ADAMTS16: variants seen among roughly 807,000 people sequenced by gnomAD.
The protein encoded by ADAMTS16 is A disintegrin and metalloproteinase with thrombospondin motifs 16.
ADAMTS16 carries 94 observed loss-of-function variants against 145.8 expected under a neutral mutation model. That is an observed-to-expected ratio of 0.64 (90% CI 0.55 to 0.77). ADAMTS16 has a LOEUF of 0.77. ADAMTS16 is among the 30% of genes least tolerant of loss of function. The pLI is 0.00. For synonymous variants in ADAMTS16, 659 were observed against 604.3 expected, an observed-to-expected ratio of 1.09 and a Z score of -1.33; for missense variants, 1,585 against 1,591.5, an observed-to-expected ratio of 1.00 and a Z score of 0.07.
chr5:5,167,964 G>A (rs953180816), intron 3 of ADAMTS16, among the ~76,000 whole-genome samples: 5 of 152,184 alleles, frequency 3.3e-5, no homozygotes, highest in Admixed American at 2.0e-4. Flanking sequence ...AAATTTAAAT[G>A]TGCATAGCCA....
In ADAMTS16 at chr5:5,303,755, G is replaced by T. The variant is rs555765176; in HGVS notation, c.3175G>T (p.Ala1059Ser). 6.2e-7 allele frequency: 1 copy of T among 1,612,756 alleles called. No homozygotes were observed. The highest frequency in any genetic ancestry group is 8.5e-7 in the Non-Finnish European group (1 of 1,179,884). The change falls in exon 20 of 23, where the codon GCC (alanine) becomes TCC (serine). Residue 1059 changes from alanine (A) to serine (S), a missense_variant. By Grantham distance (99) the Ala-to-Ser change is moderately conservative. This residue lies in a region of ADAMTS16 where 834 missense variants were observed against 811.7 expected (regional missense o/e 1.03). Coordinates refer to ENST00000274181, the MANE Select transcript of ADAMTS16 (RefSeq NM_139056.4). Reference protein sequence around the residue: ...KPKKLQWLVSAWSQCSVTCER... With the variant: ...KPKKLQWLVSSWSQCSVTCER... ...CAAGAAGCTGCAGTGGCTGGTGTCCGCCTGGTCCCAGGTAGGTGCACTGGT... is the reference window on the plus strand; with the variant it reads ...CAAGAAGCTGCAGTGGCTGGTGTCCTCCTGGTCCCAGGTAGGTGCACTGGT...
Position 5,242,777 on chromosome 5 carries a change from T to C in ADAMTS16, c.2662+586T>C, listed in dbSNP as rs181128936. ...ACTGTAAACAATGGAAGCTCACATT[T>C]ATATCGGTAAAGCTACTTCCACTTA... is the stretch of plus-strand genomic sequence containing the variant. On this transcript the variant is annotated intron_variant, in intron 17 of 22. Transcript: ENST00000274181. Among the ~76,000 whole-genome samples, 47 of 152,348 alleles carry C rather than the reference T, an allele frequency of 3.1e-4. No homozygotes were observed. In the East Asian group the frequency reaches 6.2e-3, roughly 20 times the overall value.
chr5:5,275,890 G>A (rs1019884659), intron 18 of ADAMTS16, among the ~76,000 whole-genome samples: 1 of 147,080 alleles, frequency 6.8e-6, no homozygotes, highest in Non-Finnish European at 1.5e-5. Context: ...AGACGGCGTC[G>A]TACTCTGTCA....
intron 9 of ADAMTS16, among the ~76,000 whole-genome samples, chr5:5,204,721 T>C (rs1736046733): frequency 6.6e-6 from 1 of 152,232 alleles, no homozygotes; most frequent in African/African-American, 2.4e-5. Flanking sequence ...TTTTGGCGAT[T>C]ACAAGGAACA....
intron 10 of ADAMTS16, among the ~76,000 whole-genome samples, chr5:5,220,806 T>C (rs1736582906): frequency 6.6e-6 from 1 of 152,074 alleles, no homozygotes; most frequent in South Asian, 2.1e-4. Flanking sequence ...AAATTCACCC[T>C]GGAGCTGCTT....
rs113110953 is a variant in ADAMTS16 at position 5,262,667 on chromosome 5, C to T, written c.2673C>T (p.Thr891=). The T allele has an allele frequency of 3.2e-5, 52 of 1,613,662 alleles. No individual in the cohort carries two copies. In the African/African-American group the frequency reaches 3.3e-4, roughly 10 times the overall value. ...CSVSCGGGQM[T]VREGCYRDLK... is the part of the protein sequence containing the mutation. ...CATCCTTGCCTGCAGGACAGATGAC[C>T]GTGAGAGAGGGCTGCTACAGAGACC... is the stretch of plus-strand genomic sequence containing the variant. The change falls in exon 18 of 23, where the codon ACC becomes ACT. Residue 891 remains threonine, a synonymous_variant. Coordinates refer to ENST00000274181, the MANE Select transcript of ADAMTS16 (RefSeq NM_139056.4).
chr5:5,228,617 A>G (rs952638612), intron 11 of ADAMTS16, among the ~76,000 whole-genome samples: 1 of 152,140 alleles, frequency 6.6e-6, no homozygotes, highest in Admixed American at 6.5e-5. Context: ...AGTTTTCTCA[A>G]TAAAAGGAGC....
chr5:5,184,298 G>A (rs1272784008), intron 4 of ADAMTS16, among the ~76,000 whole-genome samples: 1 of 149,630 alleles, frequency 6.7e-6, no homozygotes, highest in African/African-American at 2.5e-5. Flanking sequence ...GCACCCCCAG[G>A]GCCCTATGTC....
At chr5:5,143,534 G>A (rs1734219299) in intron 2 of ADAMTS16, among the ~76,000 whole-genome samples, 1 of 152,158 alleles carries the variant, frequency 6.6e-6, no homozygotes, top group Non-Finnish European at 1.5e-5. Flanking sequence ...GTTGGTGGGA[G>A]TGTAAATTAG....
intron 18 of ADAMTS16, among the ~76,000 whole-genome samples, chr5:5,266,789 G>A (rs768980366): frequency 2.6e-5 from 4 of 152,134 alleles, no homozygotes; most frequent in Admixed American, 6.5e-5. Flanking sequence ...TGTGGCGCTC[G>A]TTTACTGTCA....
chr5:5,268,834 G>T (rs1457572699), intron 18 of ADAMTS16, among the ~76,000 whole-genome samples: 1 of 152,164 alleles, frequency 6.6e-6, no homozygotes, highest in Admixed American at 6.5e-5. Flanking sequence ...AGCAGCTGCA[G>T]CCCCTCAGGC....
At chr5:5,188,521 C>T (rs567821874) in intron 6 of ADAMTS16, among the ~76,000 whole-genome samples, 1 of 152,284 alleles carries the variant, frequency 6.6e-6, no homozygotes, top group South Asian at 2.1e-4. Context: ...TTCCATTTTT[C>T]CCCAAGCTAA....
intron 8 of ADAMTS16, among the ~76,000 whole-genome samples, chr5:5,196,881 T>C (rs1735821348): frequency 6.6e-6 from 1 of 152,208 alleles, no homozygotes; most frequent in Non-Finnish European, 1.5e-5. Context: ...TCAAGCAGCT[T>C]GTGAATGACA....
intron 10 of ADAMTS16, among the ~76,000 whole-genome samples, chr5:5,215,791 GTGTGGTATATATATGTGTGGTATATATA>G (rs1415991355): frequency 2.2e-5 from 1 of 45,610 alleles, no homozygotes; most frequent in African/African-American, 1.9e-4. Context: ...GTATATATAT[GTGTGGTATATATATGTGTGGTATATATA>G]TGTGGTATAT....
chr5:5,150,456 C>G (rs185409836), intron 3 of ADAMTS16, among the ~76,000 whole-genome samples: 1 of 152,336 alleles, frequency 6.6e-6, no homozygotes, highest in East Asian at 1.9e-4. Flanking sequence ...CTCAATACAG[C>G]AGCCTGAGTG....
rs754943744 is a variant in ADAMTS16 at position 5,310,127 on chromosome 5, G to T, written c.3411+3399G>T. ...CGGGGTCAAGGTGTGAACAAAGGAGGCTGAGCTCAGCAGCCAAGCATCCCC... is the reference window on the plus strand; with the variant it reads ...CGGGGTCAAGGTGTGAACAAAGGAGTCTGAGCTCAGCAGCCAAGCATCCCC... On this transcript the variant is annotated intron_variant, in intron 21 of 22. Coordinates refer to ENST00000274181, the MANE Select transcript of ADAMTS16 (RefSeq NM_139056.4). This position sits in a 1 kb window ranked among gnomAD's most constrained non-coding sequence, Gnocchi z 4.3. Among the ~76,000 whole-genome samples, 8 of 152,052 alleles carry T rather than the reference G, an allele frequency of 5.3e-5. No homozygotes were observed. Among genetic ancestry groups the T allele is most frequent in the Non-Finnish European group, 8.8e-5 (6 of 68,010 alleles).
chr5:5,229,206 G>C (rs533424610), intron 11 of ADAMTS16, among the ~76,000 whole-genome samples: 1 of 149,360 alleles, frequency 6.7e-6, no homozygotes, highest in Admixed American at 6.7e-5. Flanking sequence ...GCTGAGGCAG[G>C]AGAATGGCAT....
chr5:5,211,550 A>G (rs1167659238), intron 10 of ADAMTS16, among the ~76,000 whole-genome samples: 2 of 151,954 alleles, frequency 1.3e-5, no homozygotes, highest in Non-Finnish European at 2.9e-5. Context: ...ATTCTTTTCT[A>G]TTTCACTAAG....
intron 18 of ADAMTS16, among the ~76,000 whole-genome samples, chr5:5,295,352 G>A (rs905541495): frequency 2.0e-5 from 3 of 152,146 alleles, no homozygotes; most frequent in African/African-American, 4.8e-5. Context: ...ATTTAACTTC[G>A]TTTTCATAGA....
Sources: allele counts gnomAD v4.1 joint callset (sites outside exome capture counted in the v4.1 genomes callset), GRCh38; gene constraint gnomAD v4.1.1; regional missense constraint gnomAD v4.1.1; non-coding constraint Gnocchi (gnomAD v3.1); transcripts MANE v1.5; gene names NCBI Gene and HGNC (gene_info 2026-07-23, HGNC 2026-07-21).